The following GBP2 variants were observed in gnomAD, a reference collection of about 807,000 sequenced individuals.
The protein encoded by GBP2 is guanylate-binding protein 2.
Under a neutral mutation model 60.8 loss-of-function variants are expected in GBP2, and 54 were observed. The observed-to-expected ratio is 0.89, with a 90% confidence interval of 0.71 to 1.11. GBP2 has a LOEUF of 1.11. GBP2 is among the 50% of genes most tolerant of loss of function. GBP2 has a pLI of 0.00. For synonymous variants in GBP2, 243 were observed against 256.5 expected, an observed-to-expected ratio of 0.95 and a Z score of 0.50; for missense variants, 665 against 703.3, an observed-to-expected ratio of 0.95 and a Z score of 0.62.
intron 6 of GBP2, 63 bp from the exon 7 acceptor site, chr1:89,114,359 C>A: frequency 6.4e-7 from 1 of 1,560,086 alleles, no homozygotes; most frequent in Non-Finnish European, 8.7e-7. Flanking sequence ...ATTTTGTGTG[C>A]TTTTCAAGTG....
At chr1:89,108,382 A>G (rs561850539) in intron 10 of GBP2, 91 bp from the exon 11 acceptor site, 65 of 722,656 alleles carry the variant, frequency 9.0e-5, no homozygotes, top group Middle Eastern at 5.8e-4. Context: ...ATCCTTCAAG[A>G]ATTTTTGACT....
At chr1:89,119,522 T>C (rs901648333) in intron 4 of GBP2, 1 of 152,228 alleles carries the variant, frequency 6.6e-6, no homozygotes, top group Non-Finnish European at 1.5e-5. Context: ...TAATTGTCTA[T>C]TGGTTGCTAG....
chr1:89,106,211 G>T lies in GBP2; in HGVS notation c.*1964C>A, dbSNP rs1315759313. On this transcript the variant is annotated 3_prime_UTR_variant, in exon 11 of 11. Coordinates refer to ENST00000370466, the MANE Select transcript of GBP2 (RefSeq NM_004120.5). ...GAGTGACTAATGAACAAACAGGAAA[G>T]AAATGTTCCGATTAAGTAAAAGGGG... 6.6e-6 allele frequency: 1 copy of T among 151,950 alleles called. No individual in the cohort carries two copies. Among genetic ancestry groups the T allele is most frequent in the African/African-American group, 2.4e-5 (1 of 41,358 alleles). 9.4% of individuals were successfully genotyped at this position (151,950 alleles called of 1,614,324 possible).
intron 4 of GBP2, 88 bp downstream of exon 4, chr1:89,120,091 T>TA: frequency 1.1e-6 from 1 of 877,880 alleles, no homozygotes; most frequent in Non-Finnish European, 1.9e-6. Context: ...AATTCTTCAG[T>TA]ACCTGTCTGT....
At chr1:89,118,545 A>G (rs573826096) in intron 4 of GBP2, 5 of 152,210 alleles carry the variant, frequency 3.3e-5, no homozygotes, top group Non-Finnish European at 7.3e-5. Context: ...AGGATATAGT[A>G]TCGTTTTTTG....
At chr1:89,122,961 G>A (rs902810271) in intron 1 of GBP2, among the ~76,000 whole-genome samples, 2 of 152,010 alleles carry the variant, frequency 1.3e-5, no homozygotes, top group African/African-American at 4.8e-5. Context: ...TAATCATTTA[G>A]TTGTATCAGT....
At chr1:89,114,591 C>T (rs1215565300) in intron 6 of GBP2, among the ~76,000 whole-genome samples, 1 of 152,188 alleles carries the variant, frequency 6.6e-6, no homozygotes, top group African/African-American at 2.4e-5. Flanking sequence ...TATTCCCTTT[C>T]TCTCTTCACT....
intron 10 of GBP2, 62 bp downstream of exon 10, chr1:89,109,615 C>G (rs902710567): frequency 1.3e-6 from 2 of 1,506,750 alleles, no homozygotes; most frequent in Non-Finnish European, 1.8e-6. Flanking sequence ...GGTTCTCAAC[C>G]TTATACTTCA....
At chr1:89,117,293 T>G in intron 5 of GBP2, 59 bp from the exon 6 acceptor site, 1 of 1,421,876 alleles carries the variant, frequency 7.0e-7, no homozygotes, top group East Asian at 2.3e-5. Flanking sequence ...AAATATGATC[T>G]TTCAATTTTA....
At chr1:89,121,335 A>C in intron 2 of GBP2, 65 bp from the exon 3 acceptor site, 2 of 1,387,214 alleles carry the variant, frequency 1.4e-6, no homozygotes, top group Non-Finnish European at 9.8e-7. Flanking sequence ...AATTGAGATA[A>C]AAGTTAACAT....
intron 1 of GBP2, among the ~76,000 whole-genome samples, chr1:89,123,414 T>C (rs1421005262): frequency 6.6e-6 from 1 of 152,238 alleles, no homozygotes; most frequent in Non-Finnish European, 1.5e-5. Context: ...TATTTCTAAT[T>C]CCAATTCAAC....
At position 89,121,136 on chromosome 1, in the gene GBP2, T is replaced by C. The variant is rs767129668; in HGVS notation, c.318+7A>G. 1 of 1,609,330 alleles carries C rather than the reference T, an allele frequency of 6.2e-7. No homozygotes were observed. The highest frequency in any genetic ancestry group is 8.5e-7 in the Non-Finnish European group (1 of 1,177,750). ...AGTGAAATTTTTAAAATACTTATTT[T>C]TTTTACCTTCTCTATATCTCCCAGG... On this transcript the variant is annotated splice_region_variant and intron_variant, in intron 3 of 10. Coordinates refer to ENST00000370466, the MANE Select transcript of GBP2 (RefSeq NM_004120.5).
intron 8 of GBP2, 49 bp from the exon 9 acceptor site, chr1:89,110,315 G>C: frequency 7.1e-7 from 1 of 1,402,368 alleles, no homozygotes; most frequent in South Asian, 1.2e-5. Context: ...TTGTGGGTTA[G>C]ATCCAGCAAT....
intron 9 of GBP2, 105 bp from the exon 10 acceptor site, chr1:89,109,975 A>G (rs891206775): frequency 8.4e-7 from 1 of 1,185,110 alleles, no homozygotes; most frequent in Non-Finnish European, 1.2e-6. Flanking sequence ...CATTGAGAAA[A>G]CTTCTTGTAA....
intron 6 of GBP2, among the ~76,000 whole-genome samples, chr1:89,116,274 A>G (rs1681271188): frequency 1.3e-5 from 2 of 152,066 alleles, no homozygotes; most frequent in South Asian, 2.1e-4. Context: ...TCAGCCCCCC[A>G]AAGTTCTGGG....
At chr1:89,119,645 TAAAGA>T (rs948992640) in intron 4 of GBP2, 3 of 152,356 alleles carry the variant, frequency 2.0e-5, no homozygotes, top group Non-Finnish European at 4.4e-5. Context: ...GCATATATAT[TAAAGA>T]AGATTCTCTT....
At chr1:89,123,165 A>G (rs1681444158) in intron 1 of GBP2, among the ~76,000 whole-genome samples, 2 of 152,144 alleles carry the variant, frequency 1.3e-5, no homozygotes, top group Non-Finnish European at 2.9e-5. Context: ...TGCCAGGCTT[A>G]TCTAATATTT....
chr1:89,122,603 A>C (rs112645806), intron 1 of GBP2, among the ~76,000 whole-genome samples: 3,092 of 152,224 alleles, frequency 0.02, 114 homozygotes, highest in African/African-American at 0.07. Context: ...GTCTTGTATT[A>C]AGGGATTCAT....
At position 89,117,177 on chromosome 1, in the gene GBP2, A is replaced by C; in HGVS notation, c.683T>G (p.Phe228Cys). 6.2e-7 allele frequency: 1 copy of C among 1,614,170 alleles called. No homozygotes were observed. Residue 228 changes from phenylalanine to cysteine, a missense_variant, in exon 6 of 11, where the codon TTC (phenylalanine) becomes TGC (cysteine). By Grantham distance (205) the Phe-to-Cys change is radical. Coordinates refer to ENST00000370466, the MANE Select transcript of GBP2 (RefSeq NM_004120.5). ...GAAGACGAAGCACTTCCTCTTGGGG[A>C]AGAACTTTCGGATGCACAACCGAGG... ...NDPRLCIRKF[F>C]PKRKCFVFDW... is the part of the protein sequence containing the mutation.
Sources: allele counts gnomAD v4.1 joint callset (sites outside exome capture counted in the v4.1 genomes callset), GRCh38; gene constraint gnomAD v4.1.1; transcripts MANE v1.5; gene names NCBI Gene and HGNC (gene_info 2026-07-23, HGNC 2026-07-21).